The following TMEM117 variants were observed in gnomAD, a reference collection of about 807,000 sequenced individuals.
TMEM117 encodes transmembrane protein 117.
A neutral mutation model predicts 52.4 loss-of-function variants in TMEM117; 27 were observed. That is an observed-to-expected ratio of 0.51 (90% CI 0.38 to 0.71). The LOEUF (loss-of-function observed/expected upper bound fraction) is 0.71. Among genes scored for constraint, TMEM117 ranks in the 30% least tolerant of loss-of-function variants. TMEM117 has a pLI of 0.00. For missense variants in TMEM117, 556 were observed against 630.5 expected, an observed-to-expected ratio of 0.88 and a Z score of 1.26; for synonymous variants, 215 against 206.3, an observed-to-expected ratio of 1.04 and a Z score of -0.36.
At chr12:44,198,064 C>G (rs946036332) in intron 4 of TMEM117, among the ~76,000 whole-genome samples, 1 of 152,144 alleles carries the variant, frequency 6.6e-6, no homozygotes, top group African/African-American at 2.4e-5. Flanking sequence ...TCTGCAGTTT[C>G]CATTCACTTA....
intron 5 of TMEM117, among the ~76,000 whole-genome samples, chr12:44,234,283 G>A (rs1207848227): frequency 6.6e-6 from 1 of 151,372 alleles, no homozygotes; most frequent in Non-Finnish European, 1.5e-5. Context: ...AGTTGTTAGA[G>A]GATGATATAT....
chr12:43,860,801 C>T (rs1943475602), intron 2 of TMEM117, among the ~76,000 whole-genome samples: 1 of 152,130 alleles, frequency 6.6e-6, no homozygotes, highest in South Asian at 2.1e-4. Context: ...AAAAGGGAGA[C>T]ACCAATAAAC....
At chr12:43,816,750 A>G in the TMEM117 span, among the ~76,000 whole-genome samples, 1 of 152,240 alleles carries the variant, frequency 6.6e-6, no homozygotes, top group Non-Finnish European at 1.5e-5. Flanking sequence ...TGCACTATGA[A>G]CTAAACATTC....
chr12:44,013,185 C>T (rs1449904202), intron 3 of TMEM117, among the ~76,000 whole-genome samples: 1 of 152,054 alleles, frequency 6.6e-6, no homozygotes. Flanking sequence ...CACACCACCA[C>T]ACCCTAGCTA....
chr12:43,933,292 C>T (rs923184966), intron 2 of TMEM117, among the ~76,000 whole-genome samples: 1 of 151,692 alleles, frequency 6.6e-6, no homozygotes, highest in Admixed American at 6.6e-5. Flanking sequence ...CTCCGCCCCC[C>T]AGGGTTCACG....
the TMEM117 span, among the ~76,000 whole-genome samples, chr12:43,830,583 C>A: frequency 5.3e-5 from 8 of 149,868 alleles, no homozygotes; most frequent in Non-Finnish European, 1.2e-4. Flanking sequence ...GCACTCCAGC[C>A]TGGGCAACAG....
chr12:44,158,679 G>C (rs1007204452), intron 4 of TMEM117, among the ~76,000 whole-genome samples: 2 of 152,048 alleles, frequency 1.3e-5, no homozygotes, highest in South Asian at 4.1e-4. Context: ...GAGTTTAAAT[G>C]TTGGGTCTAG....
intron 4 of TMEM117, among the ~76,000 whole-genome samples, chr12:44,185,933 T>C (rs1275655795): frequency 2.6e-5 from 4 of 151,476 alleles, no homozygotes; most frequent in African/African-American, 9.7e-5. Context: ...TACTTTCTTA[T>C]AGTGTTATTA....
intron 5 of TMEM117, among the ~76,000 whole-genome samples, chr12:44,269,088 A>G (rs779349187): frequency 2.6e-5 from 4 of 152,010 alleles, no homozygotes; most frequent in Non-Finnish European, 5.9e-5. Context: ...CATCTCTGTT[A>G]TTTTTATACC....
At chr12:43,995,792 A>G (rs1946020876) in intron 3 of TMEM117, among the ~76,000 whole-genome samples, 1 of 152,228 alleles carries the variant, frequency 6.6e-6, no homozygotes, top group Non-Finnish European at 1.5e-5. Flanking sequence ...CCACATTACC[A>G]AAACAATAAC....
chr12:43,898,487 TG>T (rs1310228797), intron 2 of TMEM117, among the ~76,000 whole-genome samples: 1 of 151,988 alleles, frequency 6.6e-6, no homozygotes, highest in Admixed American at 6.6e-5. Context: ...AGACCCTACT[TG>T]AACCTCACAT....
intron 3 of TMEM117, among the ~76,000 whole-genome samples, chr12:44,043,539 G>A (rs1447730914): frequency 6.6e-6 from 1 of 152,088 alleles, no homozygotes; most frequent in Non-Finnish European, 1.5e-5. Flanking sequence ...TCCCCTCCCC[G>A]ACCCATGCTG....
chr12:43,901,504 G>T (rs1309386254), intron 2 of TMEM117, among the ~76,000 whole-genome samples: 1 of 152,052 alleles, frequency 6.6e-6, no homozygotes, highest in African/African-American at 2.4e-5. Context: ...AAGAGACGGG[G>T]TTTCACTATG....
chr12:44,180,241 C>T lies in TMEM117; in HGVS notation c.511-31049C>T, dbSNP rs1273618944. Among the ~76,000 whole-genome samples, 9 of 151,990 alleles carry T rather than the reference C, an allele frequency of 5.9e-5. No individual in the cohort carries two copies. In the East Asian group the frequency reaches 9.7e-4, roughly 16 times the overall value. ...CCATCACCATCATCATCATCATCAT[C>T]GTCATCATCATCATCATTAATATTC... On this transcript the variant is annotated intron_variant, in intron 4 of 7. Coordinates refer to ENST00000266534, the MANE Select transcript of TMEM117 (RefSeq NM_032256.3).
intron 3 of TMEM117, among the ~76,000 whole-genome samples, chr12:43,986,997 T>C (rs1945858899): frequency 6.6e-6 from 1 of 152,172 alleles, no homozygotes; most frequent in South Asian, 2.1e-4. Flanking sequence ...CATGTCCCCA[T>C]CTCCCAAATT....
chr12:43,832,625 T>G (rs1341671465), upstream of TMEM117, among the ~76,000 whole-genome samples: 2 of 152,224 alleles, frequency 1.3e-5, no homozygotes. Flanking sequence ...ATACCAATAT[T>G]CATTATATCA....
chr12:44,325,654 T>C (rs1671943549), intron 6 of TMEM117, among the ~76,000 whole-genome samples: 1 of 152,118 alleles, frequency 6.6e-6, no homozygotes, highest in South Asian at 2.1e-4. Context: ...TTTCCTGTTA[T>C]ATATGTTACA....
At chr12:43,806,275 G>T in the TMEM117 span, 6 of 1,511,512 alleles carry the variant, frequency 4.0e-6, no homozygotes, top group African/African-American at 8.7e-5. Flanking sequence ...CGGCTCCGGC[G>T]CTGAGTGCAG....
intron 4 of TMEM117, among the ~76,000 whole-genome samples, chr12:44,210,748 A>C (rs1025952434): frequency 1.3e-5 from 2 of 152,168 alleles, no homozygotes; most frequent in African/African-American, 4.8e-5. Context: ...TGTGCAGGTG[A>C]GGAAAAGAGG....
Sources: allele counts gnomAD v4.1 joint callset (sites outside exome capture counted in the v4.1 genomes callset), GRCh38; gene constraint gnomAD v4.1.1; transcripts MANE v1.5; gene names NCBI Gene and HGNC (gene_info 2026-07-23, HGNC 2026-07-21).